The following SLC7A1 variants were observed in gnomAD, a reference collection of about 807,000 sequenced individuals.
SLC7A1 encodes high affinity cationic amino acid transporter 1.
SLC7A1 carries 10 observed loss-of-function variants against 53.9 expected under a neutral mutation model. The ratio of observed to expected loss-of-function variants is 0.19; its 90% CI spans 0.11 to 0.31. The LOEUF (loss-of-function observed/expected upper bound fraction) is 0.31, where lower values mean the gene tolerates loss of function less well. SLC7A1 is among the 10% of genes least tolerant of loss of function. The probability of loss-of-function intolerance (pLI) is 1.00; values close to 1 mark genes in which losing one functional copy is unlikely to be tolerated. For missense variants in SLC7A1, 525 were observed against 827.2 expected, an observed-to-expected ratio of 0.63 and a Z score of 4.48; for synonymous variants, 342 against 338.7, an observed-to-expected ratio of 1.01 and a Z score of -0.11.
intron 2 of SLC7A1, among the ~76,000 whole-genome samples, chr13:29,539,214 C>T (rs1447961657): frequency 6.6e-6 from 1 of 152,148 alleles, no homozygotes; most frequent in African/African-American, 2.4e-5. Context: ...CTAGGCAGAA[C>T]CAAAGCCACA....
intron 1 of SLC7A1, chr13:29,586,767 T>G (rs952670041): frequency 2.0e-5 from 3 of 152,240 alleles, no homozygotes; most frequent in African/African-American, 7.2e-5. Context: ...GGGATGAATA[T>G]TCACATCCAC....
At chr13:29,533,087 T>C in intron 3 of SLC7A1, 105 bp from the exon 4 acceptor site, 1 of 1,161,098 alleles carries the variant, frequency 8.6e-7, no homozygotes, top group African/African-American at 1.5e-5. Context: ...TCACCGACGG[T>C]GCACTGGAAT....
chr13:29,539,399 G>A (rs1441301655), intron 2 of SLC7A1, among the ~76,000 whole-genome samples: 2 of 152,172 alleles, frequency 1.3e-5, no homozygotes, highest in East Asian at 1.9e-4. Context: ...ACACATGCAC[G>A]TATGTCACCA....
chr13:29,517,107 G>A (rs896388428), intron 11 of SLC7A1, 37 bp downstream of exon 11: 2 of 1,547,326 alleles, frequency 1.3e-6, no homozygotes, highest in Non-Finnish European at 8.7e-7. Context: ...GCCAGGGTCT[G>A]TGTACCAGGG....
intron 1 of SLC7A1, among the ~76,000 whole-genome samples, chr13:29,590,531 C>G (rs1239639699): frequency 6.6e-6 from 1 of 152,068 alleles, no homozygotes; most frequent in Non-Finnish European, 1.5e-5. Flanking sequence ...AAACCTGCAC[C>G]CCATGCTCAG....
intron 5 of SLC7A1, among the ~76,000 whole-genome samples, chr13:29,529,423 GC>G (rs1245977523): frequency 1.3e-5 from 2 of 152,186 alleles, no homozygotes; most frequent in African/African-American, 4.8e-5. Context: ...GCTCTATGTG[GC>G]CCCCAGTGGA....
chr13:29,550,399 A>T (rs904778275), intron 2 of SLC7A1, among the ~76,000 whole-genome samples: 2 of 152,276 alleles, frequency 1.3e-5, no homozygotes, highest in African/African-American at 4.8e-5. Context: ...AATAGACAGC[A>T]GATGGAAATC....
chr13:29,535,753 C>G (rs1320643764), intron 3 of SLC7A1, 66 bp downstream of exon 3: 2 of 1,542,878 alleles, frequency 1.3e-6, no homozygotes, highest in Non-Finnish European at 1.8e-6. Context: ...CATCCACCCA[C>G]ACTTTGGAGG....
At chr13:29,527,360 T>C (rs1031611957) in intron 5 of SLC7A1, among the ~76,000 whole-genome samples, 3 of 152,160 alleles carry the variant, frequency 2.0e-5, no homozygotes, top group African/African-American at 7.2e-5. Flanking sequence ...AAAAGTTAAA[T>C]TCCACCTTTA....
chr13:29,517,030 C>T (rs769339055), intron 11 of SLC7A1, 114 bp downstream of exon 11: 5 of 1,037,536 alleles, frequency 4.8e-6, no homozygotes, highest in Non-Finnish European at 6.8e-6. Flanking sequence ...AGCTGGCTAG[C>T]AAAAACCTTC....
intron 1 of SLC7A1, among the ~76,000 whole-genome samples, chr13:29,559,742 G>A (rs1870652613): frequency 6.7e-6 from 1 of 149,362 alleles, no homozygotes; most frequent in Admixed American, 6.6e-5. Context: ...TTGAGATGGA[G>A]TCTCGCTCTG....
chr13:29,513,949 TC>T lies in SLC7A1; in HGVS notation c.*530del, dbSNP rs1883475306. 1 of 153,416 alleles carries T rather than the reference TC, an allele frequency of 6.5e-6. No homozygotes were observed. Among genetic ancestry groups the T allele is most frequent in the African/African-American group, 2.4e-5 (1 of 41,462 alleles). 9.5% of individuals were successfully genotyped at this position (153,416 alleles called of 1,614,324 possible). A position where few individuals can be genotyped will look rare whatever the true frequency, so the allele number is the denominator to read the frequency against. On this transcript the variant is annotated 3_prime_UTR_variant, in exon 13 of 13. Coordinates refer to ENST00000380752, the MANE Select transcript of SLC7A1 (RefSeq NM_003045.5). ...CGGAGAAGGACAACAGGCCTGATTT[TC>T]CTTTTTAAGTGCACTACTGTCATTT...
intron 1 of SLC7A1, among the ~76,000 whole-genome samples, chr13:29,585,301 G>T (rs944490905): frequency 6.6e-6 from 1 of 152,168 alleles, no homozygotes; most frequent in African/African-American, 2.4e-5. Context: ...ATGAAATTCA[G>T]GACAATGTGG....
chr13:29,563,064 G>A (rs968572425), intron 1 of SLC7A1, among the ~76,000 whole-genome samples: 1 of 152,226 alleles, frequency 6.6e-6, no homozygotes, highest in Non-Finnish European at 1.5e-5. Flanking sequence ...ATCTAATGAT[G>A]GCTCCAAAAG....
chr13:29,594,870 G>A (rs769428467), intron 1 of SLC7A1, among the ~76,000 whole-genome samples: 1 of 152,286 alleles, frequency 6.6e-6, no homozygotes, highest in Non-Finnish European at 1.5e-5. Context: ...TCCCTGGGCC[G>A]GCCACCTGCC....
intron 9 of SLC7A1, among the ~76,000 whole-genome samples, chr13:29,518,965 A>G (rs1468834626): frequency 2.6e-5 from 4 of 152,092 alleles, no homozygotes; most frequent in African/African-American, 9.7e-5. Context: ...GTCTCTGAAC[A>G]TCAACCTAGG....
rs181397645 is a variant in SLC7A1, at chr13:29,515,617, C to T, written c.1786+521G>A. Among the ~76,000 whole-genome samples, 510 of 152,324 alleles carry T rather than the reference C, an allele frequency of 3.3e-3. 1 individual carries two copies. Among genetic ancestry groups the T allele is most frequent in the African/African-American group, 0.011 (469 of 41,596 alleles). ...AAGGAAATGAGATCCTCCCCTCCAG[C>T]CCCTGGGGTGAGATGCCCAGAGGCG... On this transcript the variant is annotated intron_variant, in intron 12 of 12. Transcript: ENST00000380752.
chr13:29,572,685 A>C (rs571655315), intron 1 of SLC7A1, among the ~76,000 whole-genome samples: 7 of 152,324 alleles, frequency 4.6e-5, no homozygotes, highest in African/African-American at 1.7e-4. Context: ...TGGTTCCCCC[A>C]GTCGTTCTCT....
chr13:29,523,556 C>T, intron 6 of SLC7A1, 68 bp from the exon 7 acceptor site: 2 of 1,218,442 alleles, frequency 1.6e-6, no homozygotes, highest in Non-Finnish European at 2.4e-6. Flanking sequence ...CACATGACAC[C>T]CAAGGCCTCT....
Sources: gnomAD v4.1 joint callset for allele counts (sites outside exome capture counted in the v4.1 genomes callset) on GRCh38, gnomAD v4.1.1 for gene constraint, MANE v1.5 for transcripts, NCBI Gene and HGNC (gene_info 2026-07-23, HGNC 2026-07-21) for gene names.